Variants in BNC2 observed in about 807,000 individuals in gnomAD.
The protein encoded by BNC2 is zinc finger protein basonuclin-2.
Under a neutral mutation model 76.3 loss-of-function variants are expected in BNC2, and 20 were observed. The observed-to-expected ratio is 0.26, with a 90% CI of 0.18 to 0.38. BNC2 has a LOEUF of 0.38. Among genes scored for constraint, BNC2 ranks in the 10% least tolerant of loss-of-function variants. BNC2 has a pLI of 1.00. For missense variants in BNC2, 1,382 were observed against 1,399.8 expected, an observed-to-expected ratio of 0.99 and a Z score of 0.20; for synonymous variants, 582 against 514.8, an observed-to-expected ratio of 1.13 and a Z score of -1.77.
At chr9:16,828,868 T>A (rs972384446) in intron 1 of BNC2, among the ~76,000 whole-genome samples, 1 of 152,192 alleles carries the variant, frequency 6.6e-6, no homozygotes, top group African/African-American at 2.4e-5. Flanking sequence ...CCTGAATATG[T>A]GCTCCAGATG....
chr9:16,723,449 CTATA>C (rs369334668), intron 3 of BNC2, among the ~76,000 whole-genome samples: 1 of 149,734 alleles, frequency 6.7e-6, no homozygotes, highest in Non-Finnish European at 1.5e-5. Context: ...ACTTGTAATA[CTATA>C]TATATATATG....
intron 1 of BNC2, among the ~76,000 whole-genome samples, chr9:16,850,373 T>C (rs963394893): frequency 6.6e-6 from 1 of 152,218 alleles, no homozygotes; most frequent in Non-Finnish European, 1.5e-5. Context: ...AATTCTTATA[T>C]AGTGAAATGG....
At chr9:16,602,409 T>C (rs1820266697) in intron 3 of BNC2, among the ~76,000 whole-genome samples, 1 of 152,316 alleles carries the variant, frequency 6.6e-6, no homozygotes, top group South Asian at 2.1e-4. Context: ...TCTAATGACA[T>C]GGTATTCACC....
intron 3 of BNC2, among the ~76,000 whole-genome samples, chr9:16,614,408 C>T (rs1820637573): frequency 6.6e-6 from 1 of 151,118 alleles, no homozygotes; most frequent in South Asian, 2.1e-4. Flanking sequence ...ATTCAGTTTA[C>T]TGTGATTGCT....
chr9:16,649,996 C>T (rs1035948795), intron 3 of BNC2, among the ~76,000 whole-genome samples: 5 of 152,042 alleles, frequency 3.3e-5, no homozygotes, highest in Non-Finnish European at 7.4e-5. Flanking sequence ...ATGGAGACAC[C>T]GAAGAGGTTC....
intron 3 of BNC2, among the ~76,000 whole-genome samples, chr9:16,635,323 A>G (rs1410988670): frequency 6.6e-6 from 1 of 152,212 alleles, no homozygotes; most frequent in Non-Finnish European, 1.5e-5. Context: ...CTGCATAAAC[A>G]TACTTGTTTG....
At chr9:16,652,910 A>C (rs537893787) in intron 3 of BNC2, among the ~76,000 whole-genome samples, 2 of 152,304 alleles carry the variant, frequency 1.3e-5, no homozygotes, top group Admixed American at 1.3e-4. Flanking sequence ...TGACACACCA[A>C]GCCCAACAGG....
At chr9:16,467,662 TCA>T (rs1467062888) in intron 5 of BNC2, among the ~76,000 whole-genome samples, 3 of 139,482 alleles carry the variant, frequency 2.2e-5, no homozygotes, top group Non-Finnish European at 4.6e-5. Flanking sequence ...AAGGGGAATA[TCA>T]CACTCTGGGG....
rs552489668 is a variant in BNC2, at chr9:16,633,314, G to A, written c.331-50229C>T. ...CTGTCCCAGTGCACAAATGAACAAG[G>A]CCATACATAAATGTTATTAATAAGC... is the stretch of plus-strand genomic sequence containing the variant. On this transcript the variant is annotated intron_variant, in intron 3 of 6. Coordinates refer to ENST00000380672, the MANE Select transcript of BNC2 (RefSeq NM_017637.6). Among the ~76,000 whole-genome samples, 11 of 152,222 alleles carry A rather than the reference G, an allele frequency of 7.2e-5. No individual in the cohort carries two copies. In the South Asian group the frequency reaches 2.3e-3, roughly 32 times the overall value.
chr9:16,860,976 GT>G (rs1276214948), intron 1 of BNC2, among the ~76,000 whole-genome samples: 17 of 151,760 alleles, frequency 1.1e-4, no homozygotes, highest in African/African-American at 3.9e-4. Flanking sequence ...AACCCAAGAG[GT>G]GGAGGTTGCA....
chr9:16,509,987 G>C (rs1041509088), intron 5 of BNC2, among the ~76,000 whole-genome samples: 1 of 152,172 alleles, frequency 6.6e-6, no homozygotes, highest in South Asian at 2.1e-4. Context: ...TCTTACACTG[G>C]TTAGACCATT....
intron 1 of BNC2, among the ~76,000 whole-genome samples, chr9:16,773,196 C>T (rs1825874549): frequency 6.6e-6 from 1 of 152,190 alleles, no homozygotes; most frequent in Admixed American, 6.5e-5. Context: ...AATGTTTGCA[C>T]TGTACACACA....
intron 5 of BNC2, among the ~76,000 whole-genome samples, chr9:16,550,278 C>G (rs889880603): frequency 4.0e-4 from 61 of 152,216 alleles, no homozygotes; most frequent in African/African-American, 1.5e-3. Flanking sequence ...AGCTCATCAG[C>G]TATTGTTAGT....
At chr9:16,447,914 T>C (rs1005654873) in intron 5 of BNC2, among the ~76,000 whole-genome samples, 3 of 152,178 alleles carry the variant, frequency 2.0e-5, no homozygotes, top group Admixed American at 6.5e-5. Flanking sequence ...AACCCTTTAA[T>C]AGTTCTTCAT....
chr9:16,794,249 G>A (rs1022314929), intron 1 of BNC2, among the ~76,000 whole-genome samples: 5 of 152,076 alleles, frequency 3.3e-5, no homozygotes, highest in African/African-American at 1.2e-4. Flanking sequence ...TCTCACTACC[G>A]TCCCCCAGCA....
At chr9:16,811,638 T>C (rs1405655256) in intron 1 of BNC2, among the ~76,000 whole-genome samples, 2 of 150,056 alleles carry the variant, frequency 1.3e-5, no homozygotes, top group Non-Finnish European at 2.9e-5. Context: ...TCAGTACATA[T>C]GTAAACAGAA....
At chr9:16,510,762 T>C (rs956506411) in intron 5 of BNC2, among the ~76,000 whole-genome samples, 1 of 152,222 alleles carries the variant, frequency 6.6e-6, no homozygotes, top group Non-Finnish European at 1.5e-5. Flanking sequence ...CACTGAGTGA[T>C]GGATGAAATT....
chr9:16,669,771 C>T (rs1231834728), intron 3 of BNC2, among the ~76,000 whole-genome samples: 1 of 152,088 alleles, frequency 6.6e-6, no homozygotes, highest in African/African-American at 2.4e-5. Context: ...ACAGAAACAA[C>T]CAGAAAGAAA....
chr9:16,704,933 C>T (rs1823621784), intron 3 of BNC2: 1 of 152,308 alleles, frequency 6.6e-6, no homozygotes, highest in Non-Finnish European at 1.5e-5. Context: ...CGCACTCCTC[C>T]TCTCTATCTC....
Sources: gnomAD v4.1 joint callset for allele counts (sites outside exome capture counted in the v4.1 genomes callset) on GRCh38, gnomAD v4.1.1 for gene constraint, MANE v1.5 for transcripts, NCBI Gene and HGNC (gene_info 2026-07-23, HGNC 2026-07-21) for gene names.